The following C16orf74 variants were observed in gnomAD, a reference collection of about 807,000 sequenced individuals.
The protein encoded by C16orf74 is calcimembrin.
Under a neutral mutation model 6.5 loss-of-function variants are expected in C16orf74, and 10 were observed. That is an observed-to-expected ratio of 1.54 (90% confidence interval 0.95 to 2.61). The LOEUF is 2.61. C16orf74 is among the 30% of genes most tolerant of loss of function. C16orf74 has a pLI of 0.00. For synonymous variants in C16orf74, 60 were observed against 42.5 expected, an observed-to-expected ratio of 1.41 and a Z score of -1.60; for missense variants, 141 against 105.9, an observed-to-expected ratio of 1.33 and a Z score of -1.45.
intron 1 of C16orf74, among the ~76,000 whole-genome samples, chr16:85,745,127 C>A (rs8049285): frequency 4.0e-5 from 4 of 100,204 alleles, no homozygotes; most frequent in African/African-American, 1.4e-4. Flanking sequence ...GGCAACAAGA[C>A]GAAACTCTGT....
chr16:85,721,024 G>GTTTA, intron 2 of C16orf74, among the ~76,000 whole-genome samples: 1 of 152,122 alleles, frequency 6.6e-6, no homozygotes, highest in Non-Finnish European at 1.5e-5. Context: ...CCAGGAGGCA[G>GTTTA]AGGTTGCAGT....
At chr16:85,748,685 G>A (rs2054401464) in intron 1 of C16orf74, among the ~76,000 whole-genome samples, 1 of 152,162 alleles carries the variant, frequency 6.6e-6, no homozygotes, top group Non-Finnish European at 1.5e-5. Flanking sequence ...TAAGGAGTTT[G>A]GCTTGAGAGA....
chr16:85,744,631 C>G (rs915141422), intron 1 of C16orf74, among the ~76,000 whole-genome samples: 4 of 151,836 alleles, frequency 2.6e-5, no homozygotes, highest in East Asian at 2.0e-4. Flanking sequence ...GAGATCGAGA[C>G]CATCCTGGCT....
At position 85,727,536 on chromosome 16, in the gene C16orf74, G is replaced by A. The variant is rs139676233; in HGVS notation, c.28+7654C>T. ...TTAATAATAACAGATCTGGCCGGGT[G>A]CGGTGGCTCACGCCTGTAATCCCAG... is the stretch of plus-strand genomic sequence containing the variant. On this transcript the variant is annotated intron_variant, in intron 2 of 3. Coordinates refer to ENST00000284245, the MANE Select transcript of C16orf74 (RefSeq NM_206967.3). 2.0e-5 allele frequency among the ~76,000 whole-genome samples: 3 copies of A among 152,316 alleles called. No individual in the cohort carries two copies. In the East Asian group the frequency reaches 5.8e-4, roughly 29 times the overall value.
In C16orf74 at chr16:85,731,291, T is replaced by A. The variant is rs561422888; in HGVS notation, c.28+3899A>T. ...AACATGTGAGGCCCATTGTTCAATA[T>A]GTATTAAGAGCATTAAACTGAGCAT... On this transcript the variant is annotated intron_variant, in intron 2 of 3. Transcript: ENST00000284245. 8.5e-5 allele frequency among the ~76,000 whole-genome samples: 13 copies of A among 152,248 alleles called. No individual in the cohort carries two copies. In the East Asian group the frequency reaches 9.6e-4, roughly 11 times the overall value.
chr16:85,716,539 G>T (rs2054025886), intron 2 of C16orf74, among the ~76,000 whole-genome samples: 1 of 140,682 alleles, frequency 7.1e-6, no homozygotes, highest in African/African-American at 2.7e-5. Context: ...GAAGAGGAGG[G>T]AGGGAAGGAG....
intron 2 of C16orf74, among the ~76,000 whole-genome samples, chr16:85,715,194 A>G (rs965934750): frequency 2.0e-5 from 3 of 151,784 alleles, no homozygotes; most frequent in Admixed American, 6.6e-5. Context: ...TTCTCCTGCA[A>G]TCTTGCACAG....
At chr16:85,746,584 C>T (rs1194924565) in intron 1 of C16orf74, among the ~76,000 whole-genome samples, 1 of 152,150 alleles carries the variant, frequency 6.6e-6, no homozygotes, top group African/African-American at 2.4e-5. Context: ...TGGCACCTTG[C>T]CCTGCTTGCC....
At chr16:85,748,936 T>TA (rs111473552) in intron 1 of C16orf74, among the ~76,000 whole-genome samples, 75,525 of 121,968 alleles carry the variant, frequency 0.62, 19,457 homozygotes, top group East Asian at 0.82. Flanking sequence ...TTTTTTTTTT[T>TA]TTTTTTTTTT....
chr16:85,719,767 G>A (rs1346862910), intron 2 of C16orf74, among the ~76,000 whole-genome samples: 2 of 151,970 alleles, frequency 1.3e-5, no homozygotes, highest in African/African-American at 4.8e-5. Flanking sequence ...CACACACAAA[G>A]GCCCTGAGGC....
In C16orf74 at chr16:85,733,312, T is replaced by C. The variant is rs531725310; in HGVS notation, c.28+1878A>G. On this transcript the variant is annotated intron_variant, in intron 2 of 3. Transcript: ENST00000284245. ...CGGAGACCAGACACAAAAGGACAAA[T>C]GCTGGATGATTCCACTGACACGAGG... Among the ~76,000 whole-genome samples, 10 of 152,186 alleles carry C rather than the reference T, an allele frequency of 6.6e-5. No homozygotes were observed. In the East Asian group the frequency reaches 1.5e-3, roughly 24 times the overall value.
At position 85,714,698 on chromosome 16, in the gene C16orf74, A is replaced by G. The variant is rs892424423; in HGVS notation, c.29-4391T>C. Reference sequence around the variant, plus strand: ...CTCCCAAAGTCCTGGGATTACAGGCATGAGCCACCGTGCCCGGCCTTGGAA... The same window carrying G: ...CTCCCAAAGTCCTGGGATTACAGGCGTGAGCCACCGTGCCCGGCCTTGGAA... On this transcript the variant is annotated intron_variant, in intron 2 of 3. Transcript: ENST00000284245. Among the ~76,000 whole-genome samples the G allele has an allele frequency of 6.0e-5, 9 of 149,980 alleles. No homozygotes were observed. The East Asian group carries it at 8.4e-4, about 14-fold the overall frequency.
At chr16:85,740,986 C>T (rs1053407529) in intron 1 of C16orf74, among the ~76,000 whole-genome samples, 7 of 152,078 alleles carry the variant, frequency 4.6e-5, no homozygotes, top group Non-Finnish European at 7.4e-5. Flanking sequence ...GGTAAATGTT[C>T]ATTTCTGGCG....
At chr16:85,733,958 A>G (rs1240217533) in intron 2 of C16orf74, among the ~76,000 whole-genome samples, 2 of 152,228 alleles carry the variant, frequency 1.3e-5, no homozygotes, top group African/African-American at 4.8e-5. Context: ...AACTGGGCCA[A>G]TCGGATGCTC....
chr16:85,746,148 A>C (rs1417739502), intron 1 of C16orf74, among the ~76,000 whole-genome samples: 1 of 152,138 alleles, frequency 6.6e-6, no homozygotes, highest in Non-Finnish European at 1.5e-5. Context: ...CTGGGCGTTC[A>C]AGACCAGCCT....
intron 1 of C16orf74, among the ~76,000 whole-genome samples, chr16:85,744,803 C>G (rs1433931481): frequency 1.6e-5 from 2 of 127,420 alleles, no homozygotes; most frequent in African/African-American, 6.2e-5. Context: ...GCACTCCAGC[C>G]TGGGCAACAG....
chr16:85,740,105 G>C (rs1448741238), intron 1 of C16orf74, among the ~76,000 whole-genome samples: 2 of 149,812 alleles, frequency 1.3e-5, no homozygotes, highest in African/African-American at 2.5e-5. Flanking sequence ...AGCTACTCGG[G>C]AGGCTGAGGC....
intron 2 of C16orf74, among the ~76,000 whole-genome samples, chr16:85,722,194 C>G (rs896812245): frequency 6.6e-6 from 1 of 151,952 alleles, no homozygotes; most frequent in Non-Finnish European, 1.5e-5. Context: ...AGATAATAAC[C>G]TGTATACTGC....
At position 85,707,823 on chromosome 16, in the gene C16orf74, A is replaced by C. The variant is rs2053927390; in HGVS notation, c.*185T>G. ...GTCCACTCAGCGGGGCCTGGGAAAC[A>C]CTGTTCTGGAAGTGGACAGGCTGGA... is the stretch of plus-strand genomic sequence containing the variant. On this transcript the variant is annotated 3_prime_UTR_variant, in exon 4 of 4. Transcript: ENST00000284245. 1 of 595,916 alleles carries C rather than the reference A, an allele frequency of 1.7e-6. No individual in the cohort carries two copies. Among genetic ancestry groups the C allele is most frequent in the Non-Finnish European group, 3.0e-6 (1 of 335,946 alleles). The allele number at this position is 595,916 out of a possible 1,614,324, so 36.9% of individuals were successfully genotyped here.
Sources: allele counts gnomAD v4.1 joint callset (sites outside exome capture counted in the v4.1 genomes callset), GRCh38; gene constraint gnomAD v4.1.1; transcripts MANE v1.5; gene names NCBI Gene and HGNC (gene_info 2026-07-23, HGNC 2026-07-21).